The following ASCC3 variants were observed in gnomAD, a reference collection of about 807,000 sequenced individuals.
ASCC3 encodes the protein activating signal cointegrator 1 complex subunit 3.
ASCC3 carries 158 observed loss-of-function variants against 256.3 expected under a neutral mutation model. That is an observed-to-expected ratio of 0.62 (90% CI 0.54 to 0.70). The LOEUF is 0.70. Among genes scored for constraint, ASCC3 ranks in the 30% least tolerant of loss-of-function variants. The pLI, the probability that ASCC3 is intolerant of heterozygous loss-of-function variation, is 0.00. For synonymous variants in ASCC3, 948 were observed against 883.4 expected (o/e 1.07, Z -1.30); for missense variants, 2,259 against 2,626.0 (o/e 0.86, Z 3.05).
intron 1 of ASCC3, among the ~76,000 whole-genome samples, chr6:100,870,989 C>A (rs1002497753): frequency 1.3e-5 from 2 of 152,302 alleles, no homozygotes; most frequent in East Asian, 3.9e-4. Flanking sequence ...GATCAGATGG[C>A]ACTGAGATGA....
At chr6:100,598,045 T>C (rs997925104) in intron 34 of ASCC3, among the ~76,000 whole-genome samples, 2 of 151,536 alleles carry the variant, frequency 1.3e-5, no homozygotes, top group Non-Finnish European at 2.9e-5. Context: ...TTTATCAATA[T>C]TGACTGGACT....
intron 4 of ASCC3, among the ~76,000 whole-genome samples, chr6:100,817,786 C>T (rs1309870904): frequency 2.6e-5 from 4 of 152,048 alleles, no homozygotes; most frequent in African/African-American, 9.7e-5. Flanking sequence ...AATCAAGAAA[C>T]GACCCACAAA....
intron 13 of ASCC3, among the ~76,000 whole-genome samples, chr6:100,703,802 A>T (rs1778453379): frequency 6.6e-6 from 1 of 151,894 alleles, no homozygotes; most frequent in African/African-American, 2.4e-5. Flanking sequence ...ATAACAAATG[A>T]CTGTTAACAA....
intron 13 of ASCC3, among the ~76,000 whole-genome samples, chr6:100,706,045 T>C (rs1037014475): frequency 4.6e-5 from 7 of 151,834 alleles, no homozygotes; most frequent in African/African-American, 1.7e-4. Flanking sequence ...ATAGTATACA[T>C]ACATAATTTA....
chr6:100,737,755 T>C (rs772722559), intron 10 of ASCC3, among the ~76,000 whole-genome samples: 4 of 152,196 alleles, frequency 2.6e-5, no homozygotes, highest in Non-Finnish European at 5.9e-5. Flanking sequence ...AGTAATGGGA[T>C]TGCTGGCTCA....
intron 13 of ASCC3, among the ~76,000 whole-genome samples, chr6:100,687,351 C>CTTTA (rs1427178524): frequency 6.6e-6 from 1 of 151,858 alleles, no homozygotes; most frequent in Non-Finnish European, 1.5e-5. Flanking sequence ...TGAAGCAAAT[C>CTTTA]TTTAATAGTT....
At chr6:100,563,083 T>G (rs986393975) in intron 36 of ASCC3, among the ~76,000 whole-genome samples, 2 of 151,954 alleles carry the variant, frequency 1.3e-5, no homozygotes, top group South Asian at 4.2e-4. Context: ...ACCACTGGAG[T>G]GTTAGTGGCT....
chr6:100,860,564 T>C (rs1020894908), intron 3 of ASCC3, among the ~76,000 whole-genome samples: 2 of 152,006 alleles, frequency 1.3e-5, no homozygotes, highest in Non-Finnish European at 2.9e-5. Context: ...CATTTGTTTA[T>C]TGAACATCTA....
Position 100,868,619 on chromosome 6 carries a change from G to A in ASCC3, c.-41-581C>T, listed in dbSNP as rs142717448. ...GACACTTTCTTGTTTATTTACTAAC[G>A]TATGTGTTGTTTCAACCCACAAAAA... On this transcript the variant is annotated intron_variant, in intron 1 of 41. Transcript: ENST00000369162. 9.5e-3 allele frequency among the ~76,000 whole-genome samples: 1,443 copies of A among 152,250 alleles called. 12 individuals are homozygous for A. The highest frequency in any genetic ancestry group is 0.014 in the Non-Finnish European group (936 of 68,006).
At chr6:100,785,594 T>C (rs991494344) in intron 8 of ASCC3, among the ~76,000 whole-genome samples, 3 of 152,060 alleles carry the variant, frequency 2.0e-5, no homozygotes, top group Admixed American at 6.6e-5. Flanking sequence ...AAAATATGTT[T>C]AGAAATGGGG....
chr6:100,652,639 C>A, intron 18 of ASCC3, 86 bp downstream of exon 18: 1 of 1,343,610 alleles, frequency 7.4e-7, no homozygotes. Context: ...CTATTATTTG[C>A]TTTCATTATT....
At chr6:100,758,385 A>G (rs756021749) in intron 10 of ASCC3, among the ~76,000 whole-genome samples, 5 of 151,912 alleles carry the variant, frequency 3.3e-5, no homozygotes, top group Non-Finnish European at 5.9e-5. Context: ...CCAAACCCCA[A>G]TAGGTCCTGG....
intron 24 of ASCC3, among the ~76,000 whole-genome samples, chr6:100,640,395 A>T (rs1474465928): frequency 1.3e-5 from 2 of 152,174 alleles, no homozygotes; most frequent in Non-Finnish European, 2.9e-5. Context: ...TATATGTCTA[A>T]TATCAACTGA....
intron 24 of ASCC3, among the ~76,000 whole-genome samples, chr6:100,639,786 A>G (rs548702515): frequency 1.3e-5 from 2 of 152,296 alleles, no homozygotes; most frequent in South Asian, 2.1e-4. Context: ...CATACTTTCT[A>G]CACCAGACTG....
intron 10 of ASCC3, among the ~76,000 whole-genome samples, chr6:100,757,249 CACAA>C (rs1383508112): frequency 4.0e-5 from 6 of 151,782 alleles, no homozygotes; most frequent in African/African-American, 9.7e-5. Context: ...GATATACACA[CACAA>C]ACACACACAC....
intron 25 of ASCC3, among the ~76,000 whole-genome samples, chr6:100,631,428 C>A (rs1774537931): frequency 1.3e-5 from 2 of 151,846 alleles, no homozygotes; most frequent in Admixed American, 6.6e-5. Context: ...ATATCACAAA[C>A]ATTCTATTCA....
chr6:100,609,730 G>A (rs1773297094), intron 30 of ASCC3, among the ~76,000 whole-genome samples: 1 of 152,056 alleles, frequency 6.6e-6, no homozygotes. Context: ...GGCCAACATG[G>A]AGAAACCTCG....
intron 13 of ASCC3, among the ~76,000 whole-genome samples, chr6:100,701,539 C>T (rs1444485134): frequency 6.6e-6 from 1 of 152,088 alleles, no homozygotes; most frequent in African/African-American, 2.4e-5. Context: ...TAATACAGTG[C>T]CTAACGGTGC....
At position 100,670,977 on chromosome 6, in the gene ASCC3, A is replaced by G. The variant is rs537508469; in HGVS notation, c.2287-8441T>C. On this transcript the variant is annotated intron_variant, in intron 14 of 41. Coordinates refer to ENST00000369162, the MANE Select transcript of ASCC3 (RefSeq NM_006828.4). ...ATATCCACATTGTGACATATTATAC[A>G]GTTGCAAAAAGAATGAAACCCATCT... Among the ~76,000 whole-genome samples, 183 of 152,168 alleles carry G rather than the reference A, an allele frequency of 1.2e-3. 1 individual carries two copies. Among genetic ancestry groups the G allele is most frequent in the Non-Finnish European group, 2.2e-3 (150 of 67,932 alleles).
Sources: gnomAD v4.1 joint callset for allele counts (sites outside exome capture counted in the v4.1 genomes callset) on GRCh38, gnomAD v4.1.1 for gene constraint, MANE v1.5 for transcripts, NCBI Gene and HGNC (gene_info 2026-07-23, HGNC 2026-07-21) for gene names.